TAOK3: variants seen among roughly 807,000 people sequenced by gnomAD.
TAOK3 encodes serine/threonine-protein kinase TAO3.
TAOK3 carries 40 observed loss-of-function variants against 120.4 expected under a neutral mutation model. The observed-to-expected ratio is 0.33, with a 90% confidence interval of 0.26 to 0.43. The LOEUF (loss-of-function observed/expected upper bound fraction) is 0.43. Among genes scored for constraint, TAOK3 ranks in the 20% least tolerant of loss-of-function variants. The pLI, the probability that TAOK3 is intolerant of heterozygous loss-of-function variation, is 1.00. For missense variants in TAOK3, 821 were observed against 1,112.1 expected, an observed-to-expected ratio of 0.74 and a Z score of 3.72; for synonymous variants, 355 against 387.5, an observed-to-expected ratio of 0.92 and a Z score of 0.99.
chr12:118,266,033 A>C (rs184821549), intron 2 of TAOK3, among the ~76,000 whole-genome samples: 8 of 152,324 alleles, frequency 5.3e-5, no homozygotes, highest in Admixed American at 3.9e-4. Context: ...CTACCAACAA[A>C]AAAATGGCAA....
At chr12:118,260,520 T>C (rs2041180547) in intron 2 of TAOK3, among the ~76,000 whole-genome samples, 1 of 152,014 alleles carries the variant, frequency 6.6e-6, no homozygotes, top group Non-Finnish European at 1.5e-5. Flanking sequence ...CAAACCATAA[T>C]TGATATAGAT....
intron 1 of TAOK3, among the ~76,000 whole-genome samples, chr12:118,322,037 C>T (rs2043728071): frequency 6.6e-6 from 1 of 151,812 alleles, no homozygotes; most frequent in Admixed American, 6.6e-5. Flanking sequence ...AAATTTGGGC[C>T]GGTGCGGTGG....
At chr12:118,231,922 C>CA (rs571893617) in intron 9 of TAOK3, among the ~76,000 whole-genome samples, 29,778 of 115,418 alleles carry the variant, frequency 0.26, 3,204 homozygotes, top group Non-Finnish European at 0.3. Flanking sequence ...GATTGTGTCT[C>CA]AAAAAAAAAA....
intron 14 of TAOK3, among the ~76,000 whole-genome samples, chr12:118,182,619 ATATATT>A (rs1405866029): frequency 4.2e-5 from 4 of 94,828 alleles, no homozygotes; most frequent in East Asian, 2.9e-4. Context: ...ATATATATAT[ATATATT>A]TTTTTTTTTT....
At chr12:118,194,145 G>A (rs952926868) in intron 13 of TAOK3, among the ~76,000 whole-genome samples, 1 of 152,142 alleles carries the variant, frequency 6.6e-6, no homozygotes. Flanking sequence ...TTTACACAGC[G>A]GGGTGCGGGG....
intron 1 of TAOK3, among the ~76,000 whole-genome samples, chr12:118,334,732 T>G (rs942129017): frequency 6.7e-6 from 1 of 148,200 alleles, no homozygotes; most frequent in Non-Finnish European, 1.5e-5. Flanking sequence ...AAAAATTAGC[T>G]GGGCGTGGTG....
rs2045891515 is a variant in TAOK3, at chr12:118,371,530, G to A, written c.-194+1118C>T. ...TTTCATGACATAATCCGGCTCCGGA[G>A]TCCCCCGGAGTCCCGGGGGCTCACA... On this transcript the variant is annotated intron_variant, in intron 1 of 20. Coordinates refer to ENST00000392533, the MANE Select transcript of TAOK3 (RefSeq NM_016281.4). The surrounding 1 kb of genome is among the most constrained non-coding windows in gnomAD (Gnocchi z 5.5). Among the ~76,000 whole-genome samples, 1 of 6,866 alleles carries A rather than the reference G, an allele frequency of 1.5e-4. No individual in the cohort carries two copies. The highest frequency in any genetic ancestry group is 0.02 in the South Asian group (1 of 50). 4.5% of individuals were successfully genotyped at this position (6,866 alleles called of 152,430 possible).
intron 9 of TAOK3, among the ~76,000 whole-genome samples, chr12:118,232,386 G>T (rs545024784): frequency 1.3e-5 from 2 of 152,198 alleles, no homozygotes; most frequent in African/African-American, 4.8e-5. Flanking sequence ...TGCTCTACAT[G>T]GGTCAAATAC....
chr12:118,207,393 T>C (rs1366736287), intron 11 of TAOK3, among the ~76,000 whole-genome samples: 1 of 150,886 alleles, frequency 6.6e-6, no homozygotes, highest in Non-Finnish European at 1.5e-5. Context: ...AATACATAAA[T>C]ATTAAGTTAC....
chr12:118,178,534 T>G (rs1020985547), intron 15 of TAOK3, among the ~76,000 whole-genome samples: 5 of 152,268 alleles, frequency 3.3e-5, no homozygotes, highest in Middle Eastern at 6.8e-3. Flanking sequence ...CTCGGCTCAC[T>G]GCAACCTCCA....
chr12:118,228,535 T>A (rs1004105046), intron 9 of TAOK3, among the ~76,000 whole-genome samples: 2 of 152,232 alleles, frequency 1.3e-5, no homozygotes, highest in Admixed American at 1.3e-4. Context: ...ACTTTTGCAA[T>A]TTTATTTGTT....
rs138701517 is a variant in TAOK3 at position 118,352,521 on chromosome 12, T to A, written c.-194+20127A>T. 1.5e-4 allele frequency among the ~76,000 whole-genome samples: 23 copies of A among 151,494 alleles called. No homozygotes were observed. In the East Asian group the frequency reaches 4.5e-3, roughly 30 times the overall value. On this transcript the variant is annotated intron_variant, in intron 1 of 20. Transcript: ENST00000392533. ...CTCTGTCTCAAAAAAAAAAAAATCA[T>A]ATATATACACATATATATACACACA... is the stretch of plus-strand genomic sequence containing the variant.
intron 1 of TAOK3, among the ~76,000 whole-genome samples, chr12:118,343,361 A>G (rs920835271): frequency 1.3e-4 from 20 of 148,742 alleles, no homozygotes; most frequent in African/African-American, 4.9e-4. Context: ...CAGAAGGCGG[A>G]GGTTACAGTG....
intron 15 of TAOK3, among the ~76,000 whole-genome samples, chr12:118,177,705 C>T (rs967692335): frequency 6.6e-6 from 1 of 152,008 alleles, no homozygotes; most frequent in Non-Finnish European, 1.5e-5. Flanking sequence ...TGCCTGTAAT[C>T]CCAGCTACTC....
At chr12:118,201,560 T>C in intron 11 of TAOK3, 97 bp from the exon 12 acceptor site, 1 of 1,027,216 alleles carries the variant, frequency 9.7e-7, no homozygotes, top group Non-Finnish European at 1.3e-6. Flanking sequence ...ATAAAATAGT[T>C]CTATGGATAT....
chr12:118,319,514 G>A (rs1404429936), intron 1 of TAOK3, among the ~76,000 whole-genome samples: 2 of 152,028 alleles, frequency 1.3e-5, no homozygotes, highest in East Asian at 3.9e-4. Flanking sequence ...TTTGAAATGA[G>A]AACTAGAAAA....
At chr12:118,174,342 T>C in intron 16 of TAOK3, among the ~76,000 whole-genome samples, 1 of 151,876 alleles carries the variant, frequency 6.6e-6, no homozygotes, top group East Asian at 1.9e-4. Flanking sequence ...TTGCATAGAA[T>C]GGTCTAGTGG....
chr12:118,170,385 T>A (rs1034038626), intron 17 of TAOK3, among the ~76,000 whole-genome samples: 4 of 152,316 alleles, frequency 2.6e-5, no homozygotes, highest in Admixed American at 6.5e-5. Context: ...TGAGAATCTA[T>A]GTTCAAATCA....
At chr12:118,182,334 C>T (rs1251202513) in intron 14 of TAOK3, among the ~76,000 whole-genome samples, 2 of 151,848 alleles carry the variant, frequency 1.3e-5, no homozygotes, top group African/African-American at 2.4e-5. Flanking sequence ...AACTCCAGAG[C>T]CATGTTATTT....
Sources: allele counts gnomAD v4.1 joint callset (sites outside exome capture counted in the v4.1 genomes callset), GRCh38; gene constraint gnomAD v4.1.1; non-coding constraint Gnocchi (gnomAD v3.1); transcripts MANE v1.5; gene names NCBI Gene and HGNC (gene_info 2026-07-23, HGNC 2026-07-21).